CERS6: variants seen among roughly 807,000 people sequenced by gnomAD.
CERS6 encodes ceramide synthase 6, also known as LAG1 homolog, ceramide synthase 6.
A neutral mutation model predicts 56.8 loss-of-function variants in CERS6; 26 were observed. The ratio of observed to expected loss-of-function variants is 0.46; its 90% confidence interval spans 0.34 to 0.63. The LOEUF (loss-of-function observed/expected upper bound fraction) is 0.63. Among genes scored for constraint, CERS6 ranks in the 30% least tolerant of loss-of-function variants. The probability of loss-of-function intolerance (pLI) is 0.01; values close to 1 mark genes in which losing one functional copy is unlikely to be tolerated. For missense variants in CERS6, 415 were observed against 467.5 expected, an observed-to-expected ratio of 0.89 and a Z score of 1.04; for synonymous variants, 164 against 173.3, an observed-to-expected ratio of 0.95 and a Z score of 0.42.
chr2:168,699,733 G>A (rs1686757739), intron 6 of CERS6, among the ~76,000 whole-genome samples: 1 of 152,044 alleles, frequency 6.6e-6, no homozygotes, highest in South Asian at 2.1e-4. Flanking sequence ...GGTCAGTGAT[G>A]AGAAATACTA....
intron 4 of CERS6, among the ~76,000 whole-genome samples, chr2:168,657,579 G>A (rs1016851848): frequency 3.3e-5 from 5 of 152,370 alleles, no homozygotes; most frequent in African/African-American, 1.2e-4. Context: ...CCCGAGCCCT[G>A]CCCCGTGGGA....
At position 168,574,370 on chromosome 2, in the gene CERS6, TTGTGTGTGTGTGTGTG is replaced by T. The variant is rs59913751; in HGVS notation, c.407+13078_407+13093del. Reference sequence around the variant, plus strand: ...CAATACTTACGTGGCTCAATAAGTTTTGTGTGTGTGTGTGTGTGTGTGTGTGTGTGTGTGTGTGTGT... The same window carrying T: ...CAATACTTACGTGGCTCAATAAGTTTTGTGTGTGTGTGTGTGTGTGTGTGT... On this transcript the variant is annotated intron_variant, in intron 3 of 9. Transcript: ENST00000305747. 5.4e-4 allele frequency among the ~76,000 whole-genome samples: 80 copies of T among 148,798 alleles called. 1 individual carries two copies. The highest frequency in any genetic ancestry group is 1.3e-3 in the African/African-American group (51 of 40,016).
chr2:168,734,616 C>A (rs1023523190), intron 8 of CERS6, among the ~76,000 whole-genome samples: 1 of 152,152 alleles, frequency 6.6e-6, no homozygotes, highest in South Asian at 2.1e-4. Context: ...CAGTAGTCAA[C>A]GGTTAATCAG....
At chr2:168,552,868 A>T (rs1166622144) in intron 2 of CERS6, among the ~76,000 whole-genome samples, 1 of 152,194 alleles carries the variant, frequency 6.6e-6, no homozygotes, top group African/African-American at 2.4e-5. Flanking sequence ...AATAAAAAGA[A>T]AGTATAGCAA....
chr2:168,724,340 G>A (rs1343573650), intron 8 of CERS6, among the ~76,000 whole-genome samples: 1 of 152,162 alleles, frequency 6.6e-6, no homozygotes, highest in Non-Finnish European at 1.5e-5. Flanking sequence ...TGGACCCAAA[G>A]AGTGAGCAGT....
chr2:168,563,474 T>G (rs1009213776), intron 3 of CERS6, among the ~76,000 whole-genome samples: 1 of 152,166 alleles, frequency 6.6e-6, no homozygotes, highest in Non-Finnish European at 1.5e-5. Context: ...TATCTGAGTA[T>G]GTGTAGGTCA....
At chr2:168,486,519 G>GTTTTTTTT (rs200121622) in intron 1 of CERS6, among the ~76,000 whole-genome samples, 1 of 130,972 alleles carries the variant, frequency 7.6e-6, no homozygotes, top group Admixed American at 7.8e-5. Context: ...TCTAGATTTG[G>GTTTTTTTT]TTTTGTTTTT....
intron 3 of CERS6, among the ~76,000 whole-genome samples, chr2:168,620,226 G>T (rs886939020): frequency 6.6e-6 from 1 of 151,866 alleles, no homozygotes; most frequent in African/African-American, 2.4e-5. Flanking sequence ...GAAGCTATGC[G>T]GATGCAAAGG....
intron 1 of CERS6, among the ~76,000 whole-genome samples, chr2:168,526,566 G>A (rs145673385): frequency 6.6e-6 from 1 of 152,320 alleles, no homozygotes; most frequent in African/African-American, 2.4e-5. Flanking sequence ...TATGGTCCAG[G>A]TGATATAACT....
At chr2:168,512,868 A>C (rs1266353463) in intron 1 of CERS6, among the ~76,000 whole-genome samples, 1 of 151,936 alleles carries the variant, frequency 6.6e-6, no homozygotes, top group Non-Finnish European at 1.5e-5. Context: ...GGGTTTCACC[A>C]TGTTGGCCAG....
At chr2:168,507,281 C>T (rs1694695618) in intron 1 of CERS6, among the ~76,000 whole-genome samples, 1 of 152,108 alleles carries the variant, frequency 6.6e-6, no homozygotes, top group South Asian at 2.1e-4. Context: ...GGCCTTTTTC[C>T]TATCTTGTCC....
At chr2:168,756,366 C>G (rs1244564539) in intron 8 of CERS6, among the ~76,000 whole-genome samples, 1 of 152,176 alleles carries the variant, frequency 6.6e-6, no homozygotes, top group African/African-American at 2.4e-5. Flanking sequence ...GCTGGCACTC[C>G]CATTTCCCAG....
At chr2:168,493,645 A>G (rs2105340293) in intron 1 of CERS6, among the ~76,000 whole-genome samples, 1 of 152,258 alleles carries the variant, frequency 6.6e-6, no homozygotes, top group South Asian at 2.1e-4. Flanking sequence ...ATCAACCATG[A>G]TAGGAATCAA....
At chr2:168,585,735 T>C (rs529266984) in intron 3 of CERS6, among the ~76,000 whole-genome samples, 1 of 152,330 alleles carries the variant, frequency 6.6e-6, no homozygotes, top group South Asian at 2.1e-4. Context: ...ATCATGGATA[T>C]GCCAGAAGGA....
At chr2:168,739,949 A>C (rs1683844777) in intron 8 of CERS6, among the ~76,000 whole-genome samples, 1 of 151,996 alleles carries the variant, frequency 6.6e-6, no homozygotes, top group African/African-American at 2.4e-5. Flanking sequence ...ACCTCAGGTG[A>C]CCCATCCGCC....
Position 168,456,673 on chromosome 2 carries a change from C to T in CERS6, c.170+55C>T, listed in dbSNP as rs1693664570. ...CCCCCTGCGCACACACACGCGCGCA[C>T]ACACTCGCGCGCTCTCTGGCGCACG... is the stretch of plus-strand genomic sequence containing the variant. On this transcript the variant is annotated intron_variant, in intron 1 of 9. Transcript: ENST00000305747. This position sits in a 1 kb window ranked among gnomAD's most constrained non-coding sequence, Gnocchi z 4.1. 3 of 1,540,624 alleles carry T rather than the reference C, an allele frequency of 1.9e-6. No homozygotes were observed. The Admixed American group carries it at 5.3e-5, about 27-fold the overall frequency.
At chr2:168,641,389 C>T (rs767342201) in intron 4 of CERS6, among the ~76,000 whole-genome samples, 3 of 152,170 alleles carry the variant, frequency 2.0e-5, no homozygotes, top group Non-Finnish European at 4.4e-5. Flanking sequence ...TGGACGTTAG[C>T]AACTTTGACA....
intron 7 of CERS6, 42 bp from the exon 8 acceptor site, chr2:168,717,830 C>A: frequency 7.0e-7 from 1 of 1,430,970 alleles, no homozygotes; most frequent in Non-Finnish European, 9.8e-7. Context: ...TTTTTATTAT[C>A]AGTTTAACTA....
chr2:168,703,006 G>A (rs945248542), intron 6 of CERS6, among the ~76,000 whole-genome samples: 10 of 152,060 alleles, frequency 6.6e-5, no homozygotes, highest in Non-Finnish European at 1.0e-4. Flanking sequence ...GGAAAACAAG[G>A]CCACTCTTCT....
Sources: allele counts gnomAD v4.1 joint callset (sites outside exome capture counted in the v4.1 genomes callset), GRCh38; gene constraint gnomAD v4.1.1; non-coding constraint Gnocchi (gnomAD v3.1); transcripts MANE v1.5; gene names NCBI Gene and HGNC (gene_info 2026-07-23, HGNC 2026-07-21).